ARHGAP10: variants seen among roughly 807,000 people sequenced by gnomAD.
ARHGAP10 encodes the protein rho GTPase-activating protein 10.
Under a neutral mutation model 108.6 loss-of-function variants are expected in ARHGAP10, and 87 were observed. That is an observed-to-expected ratio of 0.80 (90% CI 0.67 to 0.96). The LOEUF (loss-of-function observed/expected upper bound fraction) is 0.96. Ranked by LOEUF, ARHGAP10 falls within the 40% of genes least tolerant of loss-of-function variation. The probability of loss-of-function intolerance (pLI) is 0.00; values close to 1 mark genes in which losing one functional copy is unlikely to be tolerated. For synonymous variants in ARHGAP10, 347 were observed against 341.1 expected, an observed-to-expected ratio of 1.02 and a Z score of -0.19; for missense variants, 939 against 954.5, an observed-to-expected ratio of 0.98 and a Z score of 0.21.
intron 1 of ARHGAP10, among the ~76,000 whole-genome samples, chr4:147,793,322 T>TATATATATATATATATATATATA (rs56995861): frequency 5.9e-5 from 2 of 33,942 alleles, no homozygotes; most frequent in African/African-American, 8.3e-5. Context: ...ATATATATAT[T>TATATATATATATATATATATATA]TTTTTTTTTT....
intron 1 of ARHGAP10, among the ~76,000 whole-genome samples, chr4:147,821,098 T>C (rs1195820687): frequency 6.6e-6 from 1 of 152,106 alleles, no homozygotes; most frequent in Non-Finnish European, 1.5e-5. Flanking sequence ...GCGGCAACTA[T>C]ACGGGGCCAC....
At chr4:147,897,999 G>A (rs1341756224) in intron 10 of ARHGAP10, among the ~76,000 whole-genome samples, 1 of 151,872 alleles carries the variant, frequency 6.6e-6, no homozygotes, top group East Asian at 1.9e-4. Flanking sequence ...GACTACAGGC[G>A]CCTGCCACCA....
chr4:147,793,113 C>T (rs941505055), intron 1 of ARHGAP10, among the ~76,000 whole-genome samples: 5 of 151,772 alleles, frequency 3.3e-5, no homozygotes, highest in Non-Finnish European at 5.9e-5. Context: ...GCACTCCAGC[C>T]TGGGCGACAG....
chr4:147,837,650 T>TTTTTTTTTTGTTTTTTTG (rs1733230076), intron 3 of ARHGAP10, among the ~76,000 whole-genome samples: 2 of 112,006 alleles, frequency 1.8e-5, no homozygotes, highest in Admixed American at 1.2e-4. Context: ...ACTGTTTTTT[T>TTTTTTTTTTGTTTTTTTG]TTTTTTTTTT....
intron 19 of ARHGAP10, among the ~76,000 whole-genome samples, chr4:148,045,057 C>G (rs1029142663): frequency 6.6e-6 from 1 of 152,186 alleles, no homozygotes; most frequent in Non-Finnish European, 1.5e-5. Context: ...CCATCTCCCC[C>G]ACCCTCCCCG....
chr4:147,764,144 A>G (rs1021729956), intron 1 of ARHGAP10, among the ~76,000 whole-genome samples: 1 of 152,138 alleles, frequency 6.6e-6, no homozygotes, highest in African/African-American at 2.4e-5. Context: ...GACGTGAGCA[A>G]GTTTCTGAGT....
chr4:147,931,436 T>G (rs1414882512), intron 13 of ARHGAP10, among the ~76,000 whole-genome samples: 4 of 152,132 alleles, frequency 2.6e-5, no homozygotes, highest in Non-Finnish European at 4.4e-5. Context: ...TCACAATAAT[T>G]TGGATATTTT....
intron 3 of ARHGAP10, among the ~76,000 whole-genome samples, chr4:147,845,906 C>T (rs993854917): frequency 1.3e-5 from 2 of 152,084 alleles, no homozygotes; most frequent in African/African-American, 4.8e-5. Flanking sequence ...GCTGGTGGTG[C>T]TTTGTAGGAC....
Position 147,825,954 on chromosome 4 carries a change from A to G in ARHGAP10, c.312+2997A>G, listed in dbSNP as rs574867932. Among the ~76,000 whole-genome samples the G allele has an allele frequency of 1.5e-3, 234 of 152,320 alleles. 4 individuals carry two copies. The Middle Eastern group carries it at 0.031, about 20-fold the overall frequency. On this transcript the variant is annotated intron_variant, in intron 3 of 22. Coordinates refer to ENST00000336498, the MANE Select transcript of ARHGAP10 (RefSeq NM_024605.4). ...GTTAGATTCTAGGCGGGGGTAGTGA[A>G]GTAGAAATAAACCTGTAATCCATTG... is the stretch of plus-strand genomic sequence containing the variant.
At position 147,957,141 on chromosome 4, in the gene ARHGAP10, G is replaced by A. The variant is rs192003751; in HGVS notation, c.1450+1767G>A. ...TCACAGTGATTTGGATGACAGGACC[G>A]TCAGAAAGAAATACTGTTTCTACTG... On this transcript the variant is annotated intron_variant, in intron 16 of 22. Transcript: ENST00000336498. Among the ~76,000 whole-genome samples the A allele has an allele frequency of 5.3e-5, 8 of 152,202 alleles. No individual in the cohort carries two copies. In the South Asian group the frequency reaches 6.2e-4, roughly 12 times the overall value.
At chr4:148,057,341 G>T (rs1729408761) in intron 20 of ARHGAP10, among the ~76,000 whole-genome samples, 1 of 152,144 alleles carries the variant, frequency 6.6e-6, no homozygotes, top group African/African-American at 2.4e-5. Flanking sequence ...CCCGGTACTT[G>T]CATCTCTCAC....
At chr4:147,999,820 C>T (rs867797209) in intron 18 of ARHGAP10, among the ~76,000 whole-genome samples, 3 of 152,134 alleles carry the variant, frequency 2.0e-5, no homozygotes, top group Admixed American at 6.5e-5. Context: ...GCCCTGCCCC[C>T]CTCGTTTACA....
At position 147,732,114 on chromosome 4, in the gene ARHGAP10, G is replaced by T. The variant is rs1222700586; in HGVS notation, c.-188G>T. The stretch of plus-strand genomic sequence containing the variant: ...GGGCGCCGCAGCTAGCGCTGGTCTC[G>T]GTGGCAGCTCCTCCGCGCCGCAGGA... On this transcript the variant is annotated 5_prime_UTR_variant, in exon 1 of 23. Coordinates refer to ENST00000336498, the MANE Select transcript of ARHGAP10 (RefSeq NM_024605.4). 2.5e-6 allele frequency: 1 copy of T among 406,094 alleles called. No homozygotes were observed. Among genetic ancestry groups the T allele is most frequent in the Non-Finnish European group, 4.1e-6 (1 of 246,842 alleles). 25.2% of individuals were successfully genotyped at this position (406,094 alleles called of 1,614,324 possible).
chr4:147,910,412 A>G (rs1048351549), intron 12 of ARHGAP10, among the ~76,000 whole-genome samples: 17 of 152,126 alleles, frequency 1.1e-4, no homozygotes, highest in Admixed American at 6.5e-5. Context: ...TAACAATCAC[A>G]TAAGAGTTTC....
chr4:147,852,704 CT>C lies in ARHGAP10; in HGVS notation c.385-4823del, dbSNP rs869139032. 1.8e-3 allele frequency among the ~76,000 whole-genome samples: 193 copies of C among 105,554 alleles called. 1 individual carries two copies. The highest frequency in any genetic ancestry group is 5.8e-3 in the African/African-American group (163 of 28,016). 69.2% of individuals were successfully genotyped at this position (105,554 alleles called of 152,430 possible). On this transcript the variant is annotated intron_variant, in intron 4 of 22. Transcript: ENST00000336498. ...TTTCTGGTCTCAGAACATCACCAAA[CT>C]TTTTTTTTTTTTTTTTTTTTTTTTT...
At chr4:147,842,296 G>A (rs189072099) in intron 3 of ARHGAP10, among the ~76,000 whole-genome samples, 15 of 152,240 alleles carry the variant, frequency 9.9e-5, no homozygotes, top group Non-Finnish European at 1.8e-4. Context: ...GACGGATATT[G>A]CATTGAATTC....
chr4:147,815,355 G>C (rs773631254), intron 1 of ARHGAP10, among the ~76,000 whole-genome samples: 4 of 152,156 alleles, frequency 2.6e-5, no homozygotes, highest in Non-Finnish European at 5.9e-5. Flanking sequence ...TAGCCAGAAT[G>C]GTGGCCCTCC....
intron 10 of ARHGAP10, among the ~76,000 whole-genome samples, chr4:147,901,854 T>C (rs1185661558): frequency 1.3e-5 from 2 of 152,160 alleles, no homozygotes; most frequent in African/African-American, 4.8e-5. Flanking sequence ...TATACAACCA[T>C]CTATCTTGAG....
intron 18 of ARHGAP10, among the ~76,000 whole-genome samples, chr4:147,989,377 TCAACCGGTCTGAC>T (rs1243555546): frequency 6.6e-5 from 10 of 152,368 alleles, no homozygotes; most frequent in Admixed American, 5.9e-4. Context: ...GGTTTTGAGA[TCAACCGGTCTGAC>T]CAAAATTTAT....
Sources: allele counts gnomAD v4.1 joint callset (sites outside exome capture counted in the v4.1 genomes callset), GRCh38; gene constraint gnomAD v4.1.1; transcripts MANE v1.5; gene names NCBI Gene and HGNC (gene_info 2026-07-23, HGNC 2026-07-21).